The following ZNF804B variants were observed in gnomAD, a reference collection of about 807,000 sequenced individuals.
ZNF804B encodes the protein zinc finger protein 804B, also known as zinc finger 804B.
A neutral mutation model predicts 101.4 loss-of-function variants in ZNF804B; 80 were observed. The ratio of observed to expected loss-of-function variants is 0.79; its 90% CI spans 0.66 to 0.95. The LOEUF (loss-of-function observed/expected upper bound fraction) is 0.95, where lower values mean the gene tolerates loss of function less well. Among genes scored for constraint, ZNF804B ranks in the 40% least tolerant of loss-of-function variants. The pLI is 0.00. For missense variants in ZNF804B, 1,673 were observed against 1,561.9 expected, an observed-to-expected ratio of 1.07 and a Z score of -1.20; for synonymous variants, 622 against 558.8, an observed-to-expected ratio of 1.11 and a Z score of -1.59.
intron 1 of ZNF804B, among the ~76,000 whole-genome samples, chr7:88,773,892 G>T (rs1364084857): frequency 6.6e-6 from 1 of 151,996 alleles, no homozygotes; most frequent in East Asian, 1.9e-4. Flanking sequence ...TGAGGGATCC[G>T]CCCCAGTGAT....
At position 89,336,555 on chromosome 7, in the gene ZNF804B, G is replaced by T. The variant is rs139896198; in HGVS notation, c.3573G>T (p.Pro1191=). 1.9e-6 allele frequency: 3 copies of T among 1,613,838 alleles called. No homozygotes were observed. The Admixed American group carries it at 5.0e-5, about 27-fold the overall frequency. ...CTGCAGGGCCTACTGCCTTCTCTCC[G>T]GCCTCAACCGTACAGACAGTTCCAG... ...LPAAGPTAFS[P]ASTVQTVPVH... The change falls in exon 4 of 4, where the codon CCG becomes CCT. Residue 1191 remains proline (P), a synonymous_variant. Transcript: ENST00000333190.
intron 1 of ZNF804B, among the ~76,000 whole-genome samples, chr7:89,022,533 A>G (rs1343518584): frequency 3.9e-5 from 6 of 152,168 alleles, no homozygotes; most frequent in Non-Finnish European, 5.9e-5. Flanking sequence ...TGAAAATGTG[A>G]TTTAAGTATG....
chr7:89,264,716 A>G (rs1298534575), intron 2 of ZNF804B, among the ~76,000 whole-genome samples: 2 of 152,196 alleles, frequency 1.3e-5, no homozygotes, highest in Non-Finnish European at 2.9e-5. Flanking sequence ...TCATGATTTT[A>G]TCTTTATTTG....
intron 2 of ZNF804B, among the ~76,000 whole-genome samples, chr7:89,227,648 C>A (rs1247467365): frequency 6.6e-6 from 1 of 151,982 alleles, no homozygotes; most frequent in Non-Finnish European, 1.5e-5. Flanking sequence ...AATTAAACAG[C>A]AATTATGAAC....
At chr7:89,047,890 AT>A (rs1789135111) in intron 1 of ZNF804B, among the ~76,000 whole-genome samples, 1 of 64,262 alleles carries the variant, frequency 1.6e-5, no homozygotes, top group African/African-American at 5.7e-5. Context: ...CAGTGGCTAA[AT>A]CCTTTTTTTT....
chr7:89,204,082 T>A (rs1353013845), intron 1 of ZNF804B, among the ~76,000 whole-genome samples: 1 of 152,178 alleles, frequency 6.6e-6, no homozygotes, highest in Non-Finnish European at 1.5e-5. Context: ...AATTTTAAAT[T>A]AAAAGAAAAA....
At chr7:89,103,391 C>G (rs1790090175) in intron 1 of ZNF804B, among the ~76,000 whole-genome samples, 1 of 151,588 alleles carries the variant, frequency 6.6e-6, no homozygotes, top group African/African-American at 2.4e-5. Context: ...TTGTGTCATT[C>G]ATAATTTATT....
chr7:89,172,267 G>C (rs369986862), intron 1 of ZNF804B, among the ~76,000 whole-genome samples: 1 of 152,100 alleles, frequency 6.6e-6, no homozygotes. Flanking sequence ...CAAGAGAATA[G>C]TTCAAGCAAA....
intron 2 of ZNF804B, among the ~76,000 whole-genome samples, chr7:89,283,486 C>A (rs182243648): frequency 2.9e-4 from 44 of 152,224 alleles, no homozygotes; most frequent in Admixed American, 5.9e-4. Context: ...TACAAATGAG[C>A]CACTGCACTC....
intron 1 of ZNF804B, among the ~76,000 whole-genome samples, chr7:89,138,549 TAA>T (rs1302727270): frequency 3.9e-5 from 6 of 152,058 alleles, no homozygotes; most frequent in Non-Finnish European, 8.8e-5. Context: ...TGAAATGAGT[TAA>T]GACTTTGGGG....
chr7:89,213,125 T>G (rs947106278), intron 1 of ZNF804B, among the ~76,000 whole-genome samples: 2 of 152,170 alleles, frequency 1.3e-5, no homozygotes, highest in African/African-American at 4.8e-5. Flanking sequence ...TTTTTTTTCC[T>G]ATTATAAAAA....
chr7:88,853,833 A>G (rs1791481539), intron 1 of ZNF804B, among the ~76,000 whole-genome samples: 1 of 152,120 alleles, frequency 6.6e-6, no homozygotes, highest in Non-Finnish European at 1.5e-5. Context: ...CTTCTTGAAA[A>G]TAGATTATGC....
At chr7:89,028,615 C>G (rs554253461) in intron 1 of ZNF804B, among the ~76,000 whole-genome samples, 13 of 152,216 alleles carry the variant, frequency 8.5e-5, no homozygotes, top group African/African-American at 2.4e-4. Flanking sequence ...GATTTCTTCT[C>G]TAATCATCGA....
intron 1 of ZNF804B, among the ~76,000 whole-genome samples, chr7:88,901,318 A>G (rs904372438): frequency 6.6e-6 from 1 of 151,866 alleles, no homozygotes; most frequent in Non-Finnish European, 1.5e-5. Context: ...TTTCCATTCC[A>G]TATATTAAAA....
At chr7:88,812,365 A>G (rs1245166694) in intron 1 of ZNF804B, among the ~76,000 whole-genome samples, 1 of 152,224 alleles carries the variant, frequency 6.6e-6, no homozygotes, top group Non-Finnish European at 1.5e-5. Context: ...AGAAAATAAC[A>G]ACTGTTGACA....
At chr7:89,194,595 T>A (rs2115625844) in intron 1 of ZNF804B, among the ~76,000 whole-genome samples, 1 of 151,684 alleles carries the variant, frequency 6.6e-6, no homozygotes, top group African/African-American at 2.4e-5. Context: ...CTTGTTTTTC[T>A]CAGGTTTGTC....
intron 1 of ZNF804B, among the ~76,000 whole-genome samples, chr7:89,147,620 A>ACC (rs1477115902): frequency 5.3e-5 from 8 of 152,144 alleles, no homozygotes; most frequent in Admixed American, 2.0e-4. Flanking sequence ...CAGGCCATAC[A>ACC]GCAGGAGGTG....
At chr7:89,003,963 C>A (rs989979317) in intron 1 of ZNF804B, among the ~76,000 whole-genome samples, 2 of 147,796 alleles carry the variant, frequency 1.4e-5, no homozygotes, top group Admixed American at 6.9e-5. Context: ...TTAAAACAAA[C>A]TTTCATGCAT....
At chr7:89,241,247 G>A (rs1385411546) in intron 2 of ZNF804B, among the ~76,000 whole-genome samples, 1 of 151,914 alleles carries the variant, frequency 6.6e-6, no homozygotes, top group Non-Finnish European at 1.5e-5. Flanking sequence ...TTATAAACAG[G>A]AGAATTCTGA....
Sources: gnomAD v4.1 joint callset for allele counts (sites outside exome capture counted in the v4.1 genomes callset) on GRCh38, gnomAD v4.1.1 for gene constraint, MANE v1.5 for transcripts, NCBI Gene and HGNC (gene_info 2026-07-23, HGNC 2026-07-21) for gene names.